The following TIAM1 variants were observed in gnomAD, a reference collection of about 807,000 sequenced individuals.
The protein encoded by TIAM1 is TIAM Rac1 associated GEF 1, also known as rho guanine nucleotide exchange factor TIAM1.
In TIAM1, 65 loss-of-function variants were observed where a neutral mutation model predicts 163.5. The ratio of observed to expected loss-of-function variants is 0.40; its 90% CI spans 0.33 to 0.49. The LOEUF is 0.49. Ranked by LOEUF, TIAM1 falls within the 20% of genes least tolerant of loss-of-function variation. TIAM1 has a pLI of 0.77. For missense variants in TIAM1, 1,789 were observed against 2,044.7 expected, an observed-to-expected ratio of 0.87 and a Z score of 2.41; for synonymous variants, 833 against 810.1, an observed-to-expected ratio of 1.03 and a Z score of -0.48.
intron 1 of TIAM1, among the ~76,000 whole-genome samples, chr21:31,465,732 A>G (rs972023685): frequency 7.9e-5 from 12 of 152,208 alleles, no homozygotes; most frequent in Non-Finnish European, 2.9e-5. Flanking sequence ...CACCATGCCC[A>G]GCGAATTTTT....
intron 1 of TIAM1, among the ~76,000 whole-genome samples, chr21:31,554,791 C>G (rs2048817739): frequency 6.6e-6 from 1 of 152,230 alleles, no homozygotes; most frequent in African/African-American, 2.4e-5. Flanking sequence ...TCTCCCAGCT[C>G]TGCCTCAGCC....
At chr21:31,454,674 G>A (rs1268030986) in intron 2 of TIAM1, among the ~76,000 whole-genome samples, 1 of 152,222 alleles carries the variant, frequency 6.6e-6, no homozygotes, top group Admixed American at 6.5e-5. Flanking sequence ...AAACATGCCA[G>A]TTGACCAAAT....
intron 2 of TIAM1, among the ~76,000 whole-genome samples, chr21:31,411,112 C>T (rs1216286731): frequency 6.6e-6 from 1 of 152,082 alleles, no homozygotes; most frequent in Non-Finnish European, 1.5e-5. Flanking sequence ...GCACCCCCAC[C>T]CCCATGATCC....
intron 2 of TIAM1, among the ~76,000 whole-genome samples, chr21:31,451,602 A>T (rs1019437558): frequency 4.6e-5 from 7 of 152,160 alleles, no homozygotes; most frequent in Non-Finnish European, 1.0e-4. Flanking sequence ...CAGGAAGGAC[A>T]GACAAGCTCC....
chr21:31,143,260 T>C (rs1304524533), intron 20 of TIAM1, among the ~76,000 whole-genome samples: 21 of 152,216 alleles, frequency 1.4e-4, no homozygotes, highest in African/African-American at 9.6e-5. Context: ...TCTGGATGAC[T>C]TTCCCCCATT....
chr21:31,551,812 C>G (rs1433072013), intron 1 of TIAM1, among the ~76,000 whole-genome samples: 1 of 151,998 alleles, frequency 6.6e-6, no homozygotes, highest in East Asian at 1.9e-4. Context: ...GATGCAATTG[C>G]CACTCATTAT....
intron 13 of TIAM1, among the ~76,000 whole-genome samples, chr21:31,191,340 G>C (rs762283734): frequency 6.6e-6 from 1 of 152,094 alleles, no homozygotes; most frequent in Non-Finnish European, 1.5e-5. Flanking sequence ...ATCTTTAGTA[G>C]AGATGGGGTT....
chr21:31,557,230 C>T (rs541551309), intron 1 of TIAM1, among the ~76,000 whole-genome samples: 1 of 152,160 alleles, frequency 6.6e-6, no homozygotes. Flanking sequence ...AAAACAAGTC[C>T]TGTTTGAAGC....
chr21:31,155,726 A>C (rs541454152), intron 16 of TIAM1, among the ~76,000 whole-genome samples: 5 of 151,992 alleles, frequency 3.3e-5, no homozygotes, highest in African/African-American at 7.2e-5. Flanking sequence ...GGATGGTCTC[A>C]ATCTGACCTT....
intron 1 of TIAM1, among the ~76,000 whole-genome samples, chr21:31,341,332 A>C (rs2076010131): frequency 6.6e-6 from 1 of 152,238 alleles, no homozygotes; most frequent in Non-Finnish European, 1.5e-5. Flanking sequence ...GGGCAGAGCA[A>C]GAATTCAAAG....
At chr21:31,521,985 C>A (rs1452644131) in intron 1 of TIAM1, among the ~76,000 whole-genome samples, 1 of 151,964 alleles carries the variant, frequency 6.6e-6, no homozygotes, top group Non-Finnish European at 1.5e-5. Context: ...CATTCTCCAG[C>A]CTCAGGCTCC....
At chr21:31,378,136 C>CAAAAA (rs367907079) in intron 2 of TIAM1, among the ~76,000 whole-genome samples, 2 of 48,166 alleles carry the variant, frequency 4.2e-5, no homozygotes, top group African/African-American at 1.6e-4. Flanking sequence ...AACTCTGTCT[C>CAAAAA]AAAAAAAAAA....
At chr21:31,485,411 C>G (rs2046240015) in intron 1 of TIAM1, among the ~76,000 whole-genome samples, 1 of 152,100 alleles carries the variant, frequency 6.6e-6, no homozygotes, top group Non-Finnish European at 1.5e-5. Context: ...TAGCATTGTC[C>G]AGGAGCCTAT....
chr21:31,451,729 G>GCA (rs1263509806), intron 2 of TIAM1, among the ~76,000 whole-genome samples: 9 of 70,560 alleles, frequency 1.3e-4, no homozygotes, highest in South Asian at 3.9e-4. Context: ...GTGTGTGTGT[G>GCA]TGTGTGTGTG....
At chr21:31,458,098 CTG>C (rs1179422713) in intron 2 of TIAM1, among the ~76,000 whole-genome samples, 1 of 152,190 alleles carries the variant, frequency 6.6e-6, no homozygotes, top group Non-Finnish European at 1.5e-5. Context: ...ACCCTCCACA[CTG>C]TGGGCTACCC....
At chr21:31,183,876 G>C (rs2085154047) in intron 14 of TIAM1, among the ~76,000 whole-genome samples, 2 of 151,760 alleles carry the variant, frequency 1.3e-5, no homozygotes, top group Admixed American at 6.6e-5. Flanking sequence ...TGTATTTTCA[G>C]TAGGGACGGG....
chr21:31,432,091 CTTTTTTTTTTTT>C (rs11291911), intron 2 of TIAM1, among the ~76,000 whole-genome samples: 1,093 of 93,674 alleles, frequency 0.012, 15 homozygotes, highest in Middle Eastern at 0.051. Flanking sequence ...TCTAAGATTC[CTTTTTTTTTTTT>C]TTTTTTTTTT....
intron 1 of TIAM1, among the ~76,000 whole-genome samples, chr21:31,549,473 T>TC (rs2048609293): frequency 6.6e-6 from 1 of 151,660 alleles, no homozygotes; most frequent in African/African-American, 2.4e-5. Flanking sequence ...AACTTATTAA[T>TC]AAAAAAAAAT....
chr21:31,421,044 C>G (rs1186863950), intron 2 of TIAM1, among the ~76,000 whole-genome samples: 2 of 151,452 alleles, frequency 1.3e-5, no homozygotes, highest in Non-Finnish European at 1.5e-5. Flanking sequence ...ATCGCTTGAA[C>G]CTGGGAGGTA....
Sources: allele counts gnomAD v4.1 joint callset (sites outside exome capture counted in the v4.1 genomes callset), GRCh38; gene constraint gnomAD v4.1.1; transcripts MANE v1.5; gene names NCBI Gene and HGNC (gene_info 2026-07-23, HGNC 2026-07-21).